The following CFAP47 variants were observed in gnomAD, a reference collection of about 807,000 sequenced individuals.
CFAP47 encodes cilia- and flagella-associated protein 47.
In CFAP47, 29 loss-of-function variants were observed where a neutral mutation model predicts 148.1. That is an observed-to-expected ratio of 0.20 (90% CI 0.15 to 0.27). The LOEUF (loss-of-function observed/expected upper bound fraction) is 0.27, where lower values mean the gene tolerates loss of function less well. CFAP47 is among the 10% of genes least tolerant of loss of function. The pLI, the probability that CFAP47 is intolerant of heterozygous loss-of-function variation, is 1.00. For missense variants in CFAP47, 1,872 were observed against 1,697.5 expected, an observed-to-expected ratio of 1.10 and a Z score of -1.81; for synonymous variants, 664 against 577.3, an observed-to-expected ratio of 1.15 and a Z score of -2.15.
intron 22 of CFAP47, among the ~76,000 whole-genome samples, chrX:36,019,194 C>A (rs1366349913): frequency 1.8e-5 from 2 of 111,544 alleles, no homozygotes; most frequent in East Asian, 5.7e-4. Flanking sequence ...AATGTCTGAG[C>A]CTCTTAGAGA....
intron 45 of CFAP47, among the ~76,000 whole-genome samples, chrX:36,205,469 T>A (rs1220876512): frequency 9.0e-6 from 1 of 111,388 alleles, no homozygotes; most frequent in African/African-American, 3.3e-5. Context: ...TGTGCTGAAG[T>A]TGAGGCTTAG....
At chrX:35,988,384 C>G (rs181704262) in intron 15 of CFAP47, among the ~76,000 whole-genome samples, 4 of 111,975 alleles carry the variant, frequency 3.6e-5, no homozygotes, top group African/African-American at 1.3e-4. Flanking sequence ...ATGTGCCTAA[C>G]AGAGTGTTGG....
intron 48 of CFAP47, among the ~76,000 whole-genome samples, chrX:36,243,346 T>G (rs113975652): frequency 0.024 from 2,636 of 109,818 alleles, 44 homozygotes; most frequent in Middle Eastern, 0.037. Context: ...TGACCCTAAA[T>G]GTAATTGGAC....
At chrX:36,160,837 A>C (rs1462433535) in intron 39 of CFAP47, 68 bp downstream of exon 39, 3 of 217,037 alleles carry the variant, frequency 1.4e-5, no homozygotes, top group African/African-American at 3.4e-5. Context: ...GACATATGTG[A>C]TTTTCTTTCT....
intron 33 of CFAP47, among the ~76,000 whole-genome samples, chrX:36,109,123 T>G (rs1325375532): frequency 8.9e-6 from 1 of 111,977 alleles, no homozygotes; most frequent in Non-Finnish European, 1.9e-5. Context: ...AAGGACATGA[T>G]CTCATTCTTT....
At chrX:36,091,556 T>G (rs1938186397) in intron 30 of CFAP47, among the ~76,000 whole-genome samples, 1 of 111,630 alleles carries the variant, frequency 9.0e-6, no homozygotes, top group African/African-American at 3.2e-5. Context: ...TTGACTGTAA[T>G]GAAGATTCAC....
chrX:35,959,262 T>A, intron 8 of CFAP47, among the ~76,000 whole-genome samples: 1 of 112,311 alleles, frequency 8.9e-6, no homozygotes, highest in Non-Finnish European at 1.9e-5. Context: ...GAGTTCTTTA[T>A]ATATTCTCAA....
At chrX:36,185,143 T>C (rs782641839) in intron 40 of CFAP47, among the ~76,000 whole-genome samples, 1 of 110,656 alleles carries the variant, frequency 9.0e-6, no homozygotes, top group South Asian at 3.8e-4. Context: ...GAGTCCAAGA[T>C]AAAGGCACTG....
chrX:36,371,739 T>TGTGTGTATATACACAC (rs1941951117), intron 62 of CFAP47, among the ~76,000 whole-genome samples: 1 of 58,732 alleles, frequency 1.7e-5, no homozygotes, highest in Non-Finnish European at 3.1e-5. Context: ...TGTGTGTATA[T>TGTGTGTATATACACAC]ATGTGTGTAT....
intron 57 of CFAP47, among the ~76,000 whole-genome samples, chrX:36,337,805 C>T (rs1285568044): frequency 9.2e-6 from 1 of 108,348 alleles, no homozygotes; most frequent in Non-Finnish European, 1.9e-5. Context: ...GAATCCCATA[C>T]CTACTCAATC....
At chrX:35,930,719 G>T (rs192855347) in intron 2 of CFAP47, among the ~76,000 whole-genome samples, 106 of 111,269 alleles carry the variant, frequency 9.5e-4, no homozygotes, top group Non-Finnish European at 1.7e-3. Context: ...TCAAATTTAT[G>T]ATTTTAGAGC....
intron 37 of CFAP47, among the ~76,000 whole-genome samples, chrX:36,149,762 C>A (rs750169260): frequency 6.3e-4 from 68 of 108,180 alleles, no homozygotes; most frequent in African/African-American, 2.2e-3. Flanking sequence ...GCGCCTGCCA[C>A]CACGCCTGGC....
chrX:36,298,387 T>C (rs782081926), intron 51 of CFAP47, among the ~76,000 whole-genome samples: 483 of 82,227 alleles, frequency 5.9e-3, no homozygotes, highest in African/African-American at 0.022. Flanking sequence ...GGAAGGGGAA[T>C]ATCACACTCT....
intron 32 of CFAP47, among the ~76,000 whole-genome samples, chrX:36,100,539 A>C (rs1336099787): frequency 3.6e-5 from 4 of 111,971 alleles, no homozygotes; most frequent in Non-Finnish European, 7.5e-5. Context: ...CAGTGCTTGA[A>C]TAATTCCTTA....
intron 45 of CFAP47, 45 bp from the exon 46 acceptor site, chrX:36,228,583 G>A (rs1326885938): frequency 3.9e-6 from 2 of 508,723 alleles, no homozygotes; most frequent in Admixed American, 2.8e-5. Context: ...TGAATTTTAG[G>A]TTTTATATGA....
intron 51 of CFAP47, among the ~76,000 whole-genome samples, chrX:36,291,390 C>T (rs1456707907): frequency 5.4e-5 from 6 of 111,530 alleles, no homozygotes; most frequent in African/African-American, 2.0e-4. Context: ...AATTGTCCTT[C>T]CTTCTCGTGT....
At chrX:36,081,713 C>T (rs916752858) in intron 29 of CFAP47, among the ~76,000 whole-genome samples, 4 of 111,357 alleles carry the variant, frequency 3.6e-5, no homozygotes, top group Non-Finnish European at 5.7e-5. Context: ...CAATGATTCA[C>T]CGCATGTAAG....
chrX:35,951,480 T>G (rs1936166039), intron 5 of CFAP47, 121 bp downstream of exon 5: 1 of 550,163 alleles, frequency 1.8e-6, no homozygotes, highest in African/African-American at 2.3e-5. Context: ...GGCAGATAGA[T>G]TTGATTTTAT....
At chrX:36,163,692 G>A (rs1021082595) in intron 39 of CFAP47, among the ~76,000 whole-genome samples, 5 of 110,782 alleles carry the variant, frequency 4.5e-5, no homozygotes, top group East Asian at 2.9e-4. Flanking sequence ...TCACTGCAAC[G>A]TCTGCCTCCC....
Sources: gnomAD v4.1 joint callset for allele counts (sites outside exome capture counted in the v4.1 genomes callset) on GRCh38, gnomAD v4.1.1 for gene constraint, MANE v1.5 for transcripts, NCBI Gene and HGNC (gene_info 2026-07-23, HGNC 2026-07-21) for gene names.